OXR1: variants seen among roughly 807,000 people sequenced by gnomAD.
OXR1 encodes the protein oxidation resistance 1.
OXR1 carries 41 observed loss-of-function variants against 104.6 expected under a neutral mutation model. That is an observed-to-expected ratio of 0.39 (90% CI 0.31 to 0.51). The LOEUF is 0.51. Among genes scored for constraint, OXR1 ranks in the 20% least tolerant of loss-of-function variants. The pLI is 0.77. For missense variants in OXR1, 955 were observed against 1,031.9 expected (o/e 0.93, Z 1.02); for synonymous variants, 348 against 348.4 (o/e 1.00, Z 0.01).
intron 2 of OXR1, among the ~76,000 whole-genome samples, chr8:106,476,815 C>T (rs763491092): frequency 6.6e-6 from 1 of 151,862 alleles, no homozygotes; most frequent in Non-Finnish European, 1.5e-5. Context: ...GATTCTTCAC[C>T]CTCCTTTTCC....
chr8:106,637,378 T>G (rs1423442679), intron 3 of OXR1, among the ~76,000 whole-genome samples: 1 of 152,074 alleles, frequency 6.6e-6, no homozygotes, highest in Non-Finnish European at 1.5e-5. Context: ...AAACAATGAG[T>G]ACCATTTAAG....
At chr8:106,355,715 A>G (rs962630451) in intron 1 of OXR1, among the ~76,000 whole-genome samples, 6 of 151,232 alleles carry the variant, frequency 4.0e-5, no homozygotes, top group Non-Finnish European at 8.9e-5. Context: ...TCTTTTTTTT[A>G]ATTTTTGGTG....
chr8:106,447,622 A>G (rs1218264644), intron 2 of OXR1, among the ~76,000 whole-genome samples: 1 of 152,234 alleles, frequency 6.6e-6, no homozygotes, highest in African/African-American at 2.4e-5. Flanking sequence ...TAGCAATGTC[A>G]ATATCAATAT....
chr8:106,569,574 A>G (rs1817325388), intron 3 of OXR1, among the ~76,000 whole-genome samples: 2 of 152,194 alleles, frequency 1.3e-5, no homozygotes, highest in Admixed American at 1.3e-4. Context: ...GATATACAAG[A>G]TCCTATAACC....
chr8:106,579,107 A>C (rs1019374063), intron 3 of OXR1, among the ~76,000 whole-genome samples: 1 of 147,386 alleles, frequency 6.8e-6, no homozygotes, highest in Non-Finnish European at 1.5e-5. Flanking sequence ...GCCTTTCTCT[A>C]GCTGGACTAT....
At chr8:106,677,908 A>T (rs959300640) in intron 3 of OXR1, among the ~76,000 whole-genome samples, 7 of 152,098 alleles carry the variant, frequency 4.6e-5, no homozygotes, top group Non-Finnish European at 7.4e-5. Context: ...TTGTTGCTTC[A>T]GAACATTACT....
At chr8:106,390,636 G>GTTAC (rs926690183) in intron 2 of OXR1, among the ~76,000 whole-genome samples, 3 of 152,090 alleles carry the variant, frequency 2.0e-5, no homozygotes, top group Admixed American at 1.3e-4. Flanking sequence ...GTATCATTAC[G>GTTAC]TTACTATTCT....
Position 106,315,828 on chromosome 8 carries a change from A to G in OXR1, c.-138-43648A>G, listed in dbSNP as rs1813909219. Among the ~76,000 whole-genome samples the G allele has an allele frequency of 2.6e-5, 4 of 152,214 alleles. No homozygotes were observed. In the South Asian group the frequency reaches 8.3e-4, roughly 32 times the overall value. ...TACTTACACTTAACACAAGTCCTTAATTCCACAGGAGTAAATCCGGATGAG... is the reference window on the plus strand; with the variant it reads ...TACTTACACTTAACACAAGTCCTTAGTTCCACAGGAGTAAATCCGGATGAG... On this transcript the variant is annotated intron_variant, in intron 1 of 16. Coordinates refer to ENST00000517566, the MANE Select transcript of OXR1 (RefSeq NM_001198533.2).
intron 1 of OXR1, among the ~76,000 whole-genome samples, chr8:106,318,099 T>A (rs1008845472): frequency 6.6e-6 from 1 of 152,156 alleles, no homozygotes; most frequent in Non-Finnish European, 1.5e-5. Context: ...TGATGCTTAT[T>A]ATACACGTAG....
intron 2 of OXR1, among the ~76,000 whole-genome samples, chr8:106,492,768 A>T (rs1811178244): frequency 6.6e-6 from 1 of 152,040 alleles, no homozygotes; most frequent in Admixed American, 6.6e-5. Flanking sequence ...TACACCTTAA[A>T]CTCTCAGGCC....
chr8:106,509,946 A>G (rs995590547), intron 2 of OXR1, among the ~76,000 whole-genome samples: 1 of 151,910 alleles, frequency 6.6e-6, no homozygotes. Flanking sequence ...TAATTTTTAT[A>G]TTTTTAGTAG....
intron 1 of OXR1, among the ~76,000 whole-genome samples, chr8:106,348,201 G>A (rs1266566524): frequency 3.3e-5 from 5 of 152,138 alleles, no homozygotes; most frequent in Non-Finnish European, 2.9e-5. Flanking sequence ...TAGGGGGCAC[G>A]AGGGGTGGGA....
chr8:106,412,290 A>G (rs563803619), intron 2 of OXR1, among the ~76,000 whole-genome samples: 30 of 152,222 alleles, frequency 2.0e-4, no homozygotes, highest in African/African-American at 7.2e-4. Context: ...ACAAAAATCA[A>G]TTCCCCTAAT....
chr8:106,508,385 T>C (rs1312333760), intron 2 of OXR1, among the ~76,000 whole-genome samples: 7 of 152,216 alleles, frequency 4.6e-5, no homozygotes, highest in Admixed American at 4.6e-4. Context: ...GAAATCCAAC[T>C]TGGTTGTATT....
At chr8:106,460,340 C>T (rs540710198) in intron 2 of OXR1, among the ~76,000 whole-genome samples, 4 of 152,264 alleles carry the variant, frequency 2.6e-5, no homozygotes, top group Non-Finnish European at 1.5e-5. Context: ...GTGCCTTCAT[C>T]TTTTTATATA....
chr8:106,725,985 G>A, intron 11 of OXR1: 1 of 406,506 alleles, frequency 2.5e-6, no homozygotes, highest in Non-Finnish European at 4.3e-6. Context: ...GCACATTTGG[G>A]TACAGTGCAA....
chr8:106,503,672 A>T (rs1326744795), intron 2 of OXR1, among the ~76,000 whole-genome samples: 1 of 152,184 alleles, frequency 6.6e-6, no homozygotes, highest in Non-Finnish European at 1.5e-5. Flanking sequence ...TGGAGACCTG[A>T]CAAGGGGATG....
intron 1 of OXR1, among the ~76,000 whole-genome samples, chr8:106,323,299 T>G (rs371366230): frequency 6.6e-6 from 1 of 152,190 alleles, no homozygotes; most frequent in East Asian, 1.9e-4. Flanking sequence ...GACTTCCTAT[T>G]CAATAAATGG....
At chr8:106,458,806 T>C (rs1245221744) in intron 2 of OXR1, among the ~76,000 whole-genome samples, 2 of 152,186 alleles carry the variant, frequency 1.3e-5, no homozygotes, top group African/African-American at 2.4e-5. Flanking sequence ...TGGACTTACT[T>C]GGGACTAGTT....
Sources: allele counts gnomAD v4.1 joint callset (sites outside exome capture counted in the v4.1 genomes callset), GRCh38; gene constraint gnomAD v4.1.1; transcripts MANE v1.5; gene names NCBI Gene and HGNC (gene_info 2026-07-23, HGNC 2026-07-21).